Variants in CST9 observed in about 807,000 individuals in gnomAD.
The protein encoded by CST9 is cystatin 9.
A neutral mutation model predicts 7.7 loss-of-function variants in CST9; 11 were observed. The observed-to-expected ratio is 1.44, with a 90% CI of 0.90 to 2.38. The LOEUF is 2.38. Among genes scored for constraint, CST9 ranks in the 30% most tolerant of loss-of-function variants. CST9 has a pLI of 0.00. For missense variants in CST9, 214 were observed against 199.1 expected (o/e 1.07, Z -0.45); for synonymous variants, 71 against 74.3 (o/e 0.96, Z 0.23).
At position 23,602,608 on chromosome 20, in the gene CST9, A is replaced by T. The variant is rs992131556; in HGVS notation, c.*902T>A. The T allele has an allele frequency of 1.6e-5, 13 of 791,246 alleles. No individual in the cohort carries two copies. In the African/African-American group the frequency reaches 2.4e-4, roughly 15 times the overall value. The allele number at this position is 791,246 out of a possible 1,614,324, so 49.0% of individuals were successfully genotyped here. On this transcript the variant is annotated 3_prime_UTR_variant, in exon 2 of 2. Transcript: ENST00000376971. The stretch of plus-strand genomic sequence containing the variant: ...GGGAGGGGGCAGCATGTGGCCAGGC[A>T]TGTGAGTGGCTTCCACTCAGGAGAG...
At chr20:23,604,020 G>A (rs1049007560) in intron 1 of CST9, among the ~76,000 whole-genome samples, 1 of 152,202 alleles carries the variant, frequency 6.6e-6, no homozygotes, top group Non-Finnish European at 1.5e-5. Flanking sequence ...TTCCCACGGT[G>A]AGACTCCAGC....
rs143023679 is a variant in CST9, at chr20:23,605,651, G to T, written c.214C>A (p.Arg72Ser). The change falls in exon 1 of 2, where the codon CGC (arginine) becomes AGC (serine). Residue 72 changes from arginine to serine, a missense_variant. By Grantham distance (110) the Arg-to-Ser change is moderately radical. Coordinates refer to ENST00000376971, the MANE Select transcript of CST9 (RefSeq NM_001008693.3). ...SKEEHAYRLL[R>S]VLSSWREDSM... ...TCCTCCCTCCATGAACTCAGGACGC[G>T]CAACAGCCTGTAGGCATGCTCCTCC... 6 of 1,613,888 alleles carry T rather than the reference G, an allele frequency of 3.7e-6. No homozygotes were observed. In the East Asian group the frequency reaches 6.7e-5, roughly 18 times the overall value.
rs757305235 is a variant in CST9, at chr20:23,603,541, T to C, written c.449A>G (p.Asp150Gly). Reference protein sequence around the residue: ...MGCGVGTGAADKAIPRDKGK With the variant: ...MGCGVGTGAAGKAIPRDKGK ...CCCTTTGTCCCTCGGAATGGCTTTGTCAGCTGCTCCTGTGCCCACACCACA... is the reference window on the plus strand; with the variant it reads ...CCCTTTGTCCCTCGGAATGGCTTTGCCAGCTGCTCCTGTGCCCACACCACA... Residue 150 changes from aspartate (D) to glycine (G), a missense_variant, in exon 2 of 2, where the codon GAC (aspartate) becomes GGC (glycine). By Grantham distance (94) the Asp-to-Gly change is moderately conservative. Transcript: ENST00000376971. 33 of 1,614,048 alleles carry C rather than the reference T, an allele frequency of 2.0e-5. No homozygotes were observed. The highest frequency in any genetic ancestry group is 2.7e-5 in the African/African-American group (2 of 74,924).
intron 1 of CST9, among the ~76,000 whole-genome samples, 198 bp downstream of exon 1, chr20:23,605,412 G>T (rs1038094531): frequency 6.6e-6 from 1 of 152,042 alleles, no homozygotes; most frequent in African/African-American, 2.4e-5. Flanking sequence ...AATATATTTT[G>T]CATGTGAATA....
chr20:23,605,876 C>T lies in CST9; in HGVS notation c.-12G>A. The T allele has an allele frequency of 1.2e-6, 2 of 1,613,672 alleles. No individual in the cohort carries two copies. The highest frequency in any genetic ancestry group is 2.2e-5 in the South Asian group (2 of 91,022). On this transcript the variant is annotated 5_prime_UTR_variant, in exon 1 of 2. Transcript: ENST00000376971. ...TGCGGACTCGACATGATGCAGGCTC[C>T]AGCAGCCCTTGCCTTTGCCCTTCAG...
chr20:23,604,040 A>T (rs2122408226), intron 1 of CST9, among the ~76,000 whole-genome samples: 1 of 152,204 alleles, frequency 6.6e-6, no homozygotes, highest in East Asian at 1.9e-4. Flanking sequence ...CTTCACTCTC[A>T]GTAGGCATCT....
Position 23,603,422 on chromosome 20 carries a change from G to C in CST9, c.*88C>G. ...AATCAGGAAACTCAGATTGGCCAGG[G>C]GCCTGAAAGTGAACCCCTGGGCTTA... On this transcript the variant is annotated 3_prime_UTR_variant, in exon 2 of 2. Transcript: ENST00000376971. 1.3e-6 allele frequency: 2 copies of C among 1,513,250 alleles called. No homozygotes were observed. The highest frequency in any genetic ancestry group is 2.6e-5 in the South Asian group (2 of 76,056). The allele number at this position is 1,513,250 out of a possible 1,614,324, so 93.7% of individuals were successfully genotyped here.
rs374659156 is a variant in CST9, at chr20:23,605,911, G to A, written c.-47C>T. ...TGCCTTTGCCCTTCAGATCCCTGGC[G>A]TCCACTGGAGCCTTCCAGGGCTCAG... is the stretch of plus-strand genomic sequence containing the variant. On this transcript the variant is annotated 5_prime_UTR_variant, in exon 1 of 2. In the 5' UTR this introduces an upstream ATG that the reference lacks. Transcript: ENST00000376971. The A allele has an allele frequency of 3.6e-5, 57 of 1,603,502 alleles. No individual in the cohort carries two copies. Among genetic ancestry groups the A allele is most frequent in the South Asian group, 2.2e-4 (20 of 89,414 alleles).
At chr20:23,604,950 CTG>C (rs1159675567) in intron 1 of CST9, among the ~76,000 whole-genome samples, 3 of 152,228 alleles carry the variant, frequency 2.0e-5, no homozygotes, top group Non-Finnish European at 4.4e-5. Flanking sequence ...CCCAGATGAA[CTG>C]TGCATTCCTG....
At position 23,602,754 on chromosome 20, in the gene CST9, G is replaced by A. The variant is rs1231164223; in HGVS notation, c.*756C>T. The A allele has an allele frequency of 2.0e-6, 2 of 985,480 alleles. No homozygotes were observed. The highest frequency in any genetic ancestry group is 2.4e-6 in the Non-Finnish European group (2 of 830,074). The allele number at this position is 985,480 out of a possible 1,614,324, so 61.0% of individuals were successfully genotyped here. ...AGGAAGAGACAGTAGGGCGGGGTTT[G>A]GGGAGGTTCGGGAATCTTGTGGCAT... On this transcript the variant is annotated 3_prime_UTR_variant, in exon 2 of 2. Coordinates refer to ENST00000376971, the MANE Select transcript of CST9 (RefSeq NM_001008693.3).
Position 23,602,922 on chromosome 20 carries a change from C to G in CST9, c.*588G>C, listed in dbSNP as rs910370142. 8 of 988,684 alleles carry G rather than the reference C, an allele frequency of 8.1e-6. No homozygotes were observed. The highest frequency in any genetic ancestry group is 9.6e-6 in the Non-Finnish European group (8 of 832,326). The allele number at this position is 988,684 out of a possible 1,614,324, so 61.2% of individuals were successfully genotyped here. A position where few individuals can be genotyped will look rare whatever the true frequency, so the allele number is the denominator to read the frequency against. ...GATTTGAGGCTCCCTCCCTCCTTAG[C>G]CAGGGTCACTTGTGCCATGCCTCCT... On this transcript the variant is annotated 3_prime_UTR_variant, in exon 2 of 2. Transcript: ENST00000376971.
Position 23,605,846 on chromosome 20 carries a change from TC to T in CST9, c.18del (p.Arg7GlyfsTer19). MSSPQ[R>X]RKAMPWALSL... ...GACAGTGCCCAGGGCATAGCCTTCCTCCTCTGCGGACTCGACATGATGCAGG... is the reference window on the plus strand; with the variant it reads ...GACAGTGCCCAGGGCATAGCCTTCCTCTCTGCGGACTCGACATGATGCAGG... On this transcript the variant is annotated frameshift_variant, in exon 1 of 2. Transcript: ENST00000376971. LOFTEE classifies it high-confidence loss of function. 1 of 1,614,148 alleles carries T rather than the reference TC, an allele frequency of 6.2e-7. No homozygotes were observed. Among genetic ancestry groups the T allele is most frequent in the African/African-American group, 1.3e-5 (1 of 75,060 alleles).
chr20:23,603,007 A>G lies in CST9; in HGVS notation c.*503T>C. 1.0e-6 allele frequency: 1 copy of G among 1,003,040 alleles called. No homozygotes were observed. Among genetic ancestry groups the G allele is most frequent in the Non-Finnish European group, 1.2e-6 (1 of 840,948 alleles). The allele number at this position is 1,003,040 out of a possible 1,614,324, so 62.1% of individuals were successfully genotyped here. On this transcript the variant is annotated 3_prime_UTR_variant, in exon 2 of 2. Coordinates refer to ENST00000376971, the MANE Select transcript of CST9 (RefSeq NM_001008693.3). ...TGTCCTGGTGTGATCCCTGCATCCA[A>G]GAGCAGCAGGAGAATGTTTTGTCCC... is the stretch of plus-strand genomic sequence containing the variant.
At position 23,602,749 on chromosome 20, in the gene CST9, G is replaced by A; in HGVS notation, c.*761C>T. 4 of 985,600 alleles carry A rather than the reference G, an allele frequency of 4.1e-6. No homozygotes were observed. The highest frequency in any genetic ancestry group is 4.8e-6 in the Non-Finnish European group (4 of 830,068). The allele number at this position is 985,600 out of a possible 1,614,324, so 61.1% of individuals were successfully genotyped here. ...CAAACAGGAAGAGACAGTAGGGCGG[G>A]GTTTGGGGAGGTTCGGGAATCTTGT... On this transcript the variant is annotated 3_prime_UTR_variant, in exon 2 of 2. Coordinates refer to ENST00000376971, the MANE Select transcript of CST9 (RefSeq NM_001008693.3).
Position 23,605,865 on chromosome 20 carries a change from G to T in CST9, c.-1C>A. Reference sequence around the variant, plus strand: ...CCTTCCTCCTCTGCGGACTCGACATGATGCAGGCTCCAGCAGCCCTTGCCT... The same window carrying T: ...CCTTCCTCCTCTGCGGACTCGACATTATGCAGGCTCCAGCAGCCCTTGCCT... On this transcript the variant is annotated 5_prime_UTR_variant, in exon 1 of 2. Coordinates refer to ENST00000376971, the MANE Select transcript of CST9 (RefSeq NM_001008693.3). 6.2e-7 allele frequency: 1 copy of T among 1,613,982 alleles called. No individual in the cohort carries two copies. The highest frequency in any genetic ancestry group is 1.1e-5 in the South Asian group (1 of 91,050).
Sources: allele counts gnomAD v4.1 joint callset (sites outside exome capture counted in the v4.1 genomes callset), GRCh38; gene constraint gnomAD v4.1.1; transcripts MANE v1.5; gene names NCBI Gene and HGNC (gene_info 2026-07-23, HGNC 2026-07-21).